TMEM131L: variants seen among roughly 807,000 people sequenced by gnomAD.
TMEM131L encodes the protein transmembrane 131 like, also known as transmembrane protein 131-like.
A neutral mutation model predicts 192.2 loss-of-function variants in TMEM131L; 54 were observed. The ratio of observed to expected loss-of-function variants is 0.28; its 90% CI spans 0.23 to 0.35. The LOEUF is 0.35. Ranked by LOEUF, TMEM131L falls within the 10% of genes least tolerant of loss-of-function variation. TMEM131L has a pLI of 1.00. For synonymous variants in TMEM131L, 701 were observed against 704.9 expected (o/e 0.99, Z 0.09); for missense variants, 1,888 against 1,972.9 (o/e 0.96, Z 0.82).
chr4:153,552,389 A>T (rs1045660650), intron 4 of TMEM131L, among the ~76,000 whole-genome samples: 3 of 152,200 alleles, frequency 2.0e-5, no homozygotes, highest in African/African-American at 7.2e-5. Flanking sequence ...ACGTAAAAAA[A>T]TCCTATAGTC....
In TMEM131L at chr4:153,585,609, A is replaced by C; in HGVS notation, c.1309A>C (p.Lys437Gln). The C allele has an allele frequency of 6.2e-7, 1 of 1,612,124 alleles. No individual in the cohort carries two copies. Among genetic ancestry groups the C allele is most frequent in the Non-Finnish European group, 8.5e-7 (1 of 1,178,878 alleles). Reference sequence around the variant, plus strand: ...TTCCAAGGAGACCAAGCACATGTTAAAGGTACATATAGTATTTTTTCCCCA... The same window carrying C: ...TTCCAAGGAGACCAAGCACATGTTACAGGTACATATAGTATTTTTTCCCCA... ...FLSKETKHML[K>Q]ILNFTGPLFL... is the part of the protein sequence containing the mutation. Residue 437 changes from lysine to glutamine, a missense_variant and splice_region_variant, in exon 13 of 35, where the codon AAG becomes CAG. Coordinates refer to ENST00000409959, the MANE Select transcript of TMEM131L (RefSeq NM_001131007.2).
chr4:153,595,231 T>C (rs1731346852), intron 19 of TMEM131L, among the ~76,000 whole-genome samples: 1 of 152,202 alleles, frequency 6.6e-6, no homozygotes, highest in African/African-American at 2.4e-5. Flanking sequence ...TTGATTTTGC[T>C]GATTTGCTTT....
rs767605370 is a variant in TMEM131L, at chr4:153,636,275, T to C, written c.4558-26T>C. 4 of 1,585,866 alleles carry C rather than the reference T, an allele frequency of 2.5e-6. No homozygotes were observed. In the South Asian group the frequency reaches 3.5e-5, roughly 14 times the overall value. Reference sequence around the variant, plus strand: ...AGGCTTTTTTTTTTCTTTTAACTTATTTTTCCTTCCTCATTTATACTTCAG... The same window carrying C: ...AGGCTTTTTTTTTTCTTTTAACTTACTTTTCCTTCCTCATTTATACTTCAG... On this transcript the variant is annotated intron_variant, in intron 34 of 34. Transcript: ENST00000409959.
At chr4:153,504,222 C>T (rs574495853) in intron 3 of TMEM131L, among the ~76,000 whole-genome samples, 3 of 149,018 alleles carry the variant, frequency 2.0e-5, no homozygotes, top group Non-Finnish European at 3.0e-5. Context: ...CCGCCTCGGC[C>T]TCCCAAAGTG....
At chr4:153,475,007 A>T (rs1198684344) in intron 3 of TMEM131L, among the ~76,000 whole-genome samples, 2 of 152,138 alleles carry the variant, frequency 1.3e-5, no homozygotes, top group African/African-American at 4.8e-5. Context: ...GGGTGTAGGT[A>T]TCTCCTAAAG....
intron 34 of TMEM131L, 120 bp from the exon 35 acceptor site, chr4:153,636,181 G>C (rs1734556258): frequency 1.0e-6 from 1 of 984,586 alleles, no homozygotes. Context: ...TTTAAATTGA[G>C]AGTAGTCTAA....
In TMEM131L at chr4:153,634,373, C is replaced by T. The variant is rs143216080; in HGVS notation, c.4417+93C>T. 2.2e-4 allele frequency: 229 copies of T among 1,032,526 alleles called. No individual in the cohort carries two copies. The East Asian group carries it at 2.8e-3, about 13-fold the overall frequency. The allele number at this position is 1,032,526 out of a possible 1,614,324, so 64.0% of individuals were successfully genotyped here. A position where few individuals can be genotyped will look rare whatever the true frequency, so the allele number is the denominator to read the frequency against. On this transcript the variant is annotated intron_variant, in intron 33 of 34. Transcript: ENST00000409959. ...GGACTAAGAAGAATCCTTTTAACAG[C>T]GAGCAGACTTTGAGAATGAGCTTGC...
rs538925374 is a variant in TMEM131L, at chr4:153,521,876, T to G, written c.240-28197T>G. On this transcript the variant is annotated intron_variant, in intron 3 of 34. Transcript: ENST00000409959. Reference sequence around the variant, plus strand: ...GTGTTTTCTGTGTTTTTTTTTTTTTTTTGTTAACATCATGTTGTTATTACA... The same window carrying G: ...GTGTTTTCTGTGTTTTTTTTTTTTTGTTGTTAACATCATGTTGTTATTACA... Among the ~76,000 whole-genome samples, 709 of 151,226 alleles carry G rather than the reference T, an allele frequency of 4.7e-3. 4 individuals are homozygous for G. Among genetic ancestry groups the G allele is most frequent in the African/African-American group, 0.017 (682 of 41,286 alleles).
intron 3 of TMEM131L, among the ~76,000 whole-genome samples, chr4:153,514,737 T>C (rs575337616): frequency 1.3e-5 from 2 of 152,124 alleles, no homozygotes; most frequent in South Asian, 2.1e-4. Context: ...AGAAGAAAAA[T>C]AAAAAATAAC....
intron 30 of TMEM131L, among the ~76,000 whole-genome samples, chr4:153,627,385 T>G (rs910959820): frequency 2.6e-5 from 4 of 152,178 alleles, no homozygotes; most frequent in African/African-American, 7.2e-5. Context: ...TTTTTTGTTG[T>G]TGGTTATGAC....
At chr4:153,537,737 A>T (rs1416223045) in intron 3 of TMEM131L, among the ~76,000 whole-genome samples, 1 of 152,168 alleles carries the variant, frequency 6.6e-6, no homozygotes, top group African/African-American at 2.4e-5. Context: ...TCCAAGACTT[A>T]GAATGCCTTA....
chr4:153,627,541 A>G (rs1261991180), intron 30 of TMEM131L, 64 bp from the exon 31 acceptor site: 1 of 1,247,534 alleles, frequency 8.0e-7, no homozygotes, highest in African/African-American at 1.5e-5. Context: ...ACGTGGTTAT[A>G]CAATATCAGT....
Position 153,540,005 on chromosome 4 carries a change from G to A in TMEM131L, c.240-10068G>A, listed in dbSNP as rs542951651. On this transcript the variant is annotated intron_variant, in intron 3 of 34. Coordinates refer to ENST00000409959, the MANE Select transcript of TMEM131L (RefSeq NM_001131007.2). ...GGTGCCTGTAATCCCAGCTACTGGG[G>A]AAGGCTGAGGCAGGAGAATTGCTTG... is the stretch of plus-strand genomic sequence containing the variant. Among the ~76,000 whole-genome samples the A allele has an allele frequency of 2.6e-5, 4 of 152,106 alleles. No individual in the cohort carries two copies. The South Asian group carries it at 8.3e-4, about 32-fold the overall frequency.
At chr4:153,483,806 T>C (rs898991364) in intron 3 of TMEM131L, among the ~76,000 whole-genome samples, 2 of 152,142 alleles carry the variant, frequency 1.3e-5, no homozygotes, top group African/African-American at 2.4e-5. Flanking sequence ...TACATTTCTT[T>C]AGGAAGGCTT....
At chr4:153,487,179 T>A (rs1005812412) in intron 3 of TMEM131L, among the ~76,000 whole-genome samples, 1 of 152,202 alleles carries the variant, frequency 6.6e-6, no homozygotes, top group Non-Finnish European at 1.5e-5. Context: ...GGGACCATGT[T>A]ACAAAATATA....
intron 7 of TMEM131L, among the ~76,000 whole-genome samples, chr4:153,579,072 G>A (rs1477528266): frequency 6.6e-6 from 1 of 152,128 alleles, no homozygotes; most frequent in East Asian, 1.9e-4. Context: ...TAAAAATCTA[G>A]TTCTTCAGGC....
intron 21 of TMEM131L, 57 bp from the exon 22 acceptor site, chr4:153,602,095 T>G (rs995256454): frequency 1.9e-6 from 2 of 1,053,022 alleles, no homozygotes; most frequent in African/African-American, 3.3e-5. Context: ...CAATAAATTA[T>G]TTTAAATAAA....
At chr4:153,514,460 G>T (rs972375994) in intron 3 of TMEM131L, among the ~76,000 whole-genome samples, 5 of 152,336 alleles carry the variant, frequency 3.3e-5, no homozygotes, top group African/African-American at 1.2e-4. Flanking sequence ...GGTTTTCAAA[G>T]TGGAAATAGC....
In TMEM131L at chr4:153,583,494, C is replaced by T. The variant is rs552553646; in HGVS notation, c.952-70C>T. 77 of 1,049,146 alleles carry T rather than the reference C, an allele frequency of 7.3e-5. No individual in the cohort carries two copies. In the African/African-American group the frequency reaches 7.6e-4, roughly 10 times the overall value. The allele number at this position is 1,049,146 out of a possible 1,614,324, so 65.0% of individuals were successfully genotyped here. A position where few individuals can be genotyped will look rare whatever the true frequency, so the allele number is the denominator to read the frequency against. On this transcript the variant is annotated intron_variant, in intron 10 of 34. Coordinates refer to ENST00000409959, the MANE Select transcript of TMEM131L (RefSeq NM_001131007.2). ...GGCTGGTCTGTGCTATTTATTCTAA[C>T]GGTTCATTCAAACTGGATAAATACT...
Sources: allele counts gnomAD v4.1 joint callset (sites outside exome capture counted in the v4.1 genomes callset), GRCh38; gene constraint gnomAD v4.1.1; transcripts MANE v1.5; gene names NCBI Gene and HGNC (gene_info 2026-07-23, HGNC 2026-07-21).